Variants in BRCC3 observed in about 807,000 individuals in gnomAD.
BRCC3 encodes BRCA1/BRCA2-containing complex subunit 3, also known as lys-63-specific deubiquitinase BRCC36.
Under a neutral mutation model 28.0 loss-of-function variants are expected in BRCC3, and 15 were observed. The observed-to-expected ratio is 0.54, with a 90% confidence interval of 0.36 to 0.82. The LOEUF is 0.82. Ranked by LOEUF, BRCC3 falls within the 40% of genes least tolerant of loss-of-function variation. BRCC3 has a pLI of 0.01. For synonymous variants in BRCC3, 66 were observed against 80.3 expected (o/e 0.82, Z 0.95); for missense variants, 109 against 225.9 (o/e 0.48, Z 3.32).
In BRCC3 at chrX:155,088,335, C is replaced by T. The variant is rs1487795869; in HGVS notation, c.404-928C>T. Among the ~76,000 whole-genome samples, 10 of 108,920 alleles carry T rather than the reference C, an allele frequency of 9.2e-5. 1 individual carries two copies. The highest frequency in any genetic ancestry group is 8.7e-4 in the Admixed American group (9 of 10,295). 94.6% of individuals were successfully genotyped at this position (108,920 alleles called of 115,157 possible). A position where few individuals can be genotyped will look rare whatever the true frequency, so the allele number is the denominator to read the frequency against. On this transcript the variant is annotated intron_variant, in intron 5 of 10. Coordinates refer to ENST00000330045, the MANE Select transcript of BRCC3 (RefSeq NM_001018055.3). ...CAATGGTCTGAAGACTAAATTTAGC[C>T]TCTGTTTAGTTTTTGGCTTTTTTTT...
intron 7 of BRCC3, among the ~76,000 whole-genome samples, chrX:155,110,581 C>A (rs2074314933): frequency 9.1e-6 from 1 of 109,319 alleles, no homozygotes; most frequent in Non-Finnish European, 1.9e-5. Flanking sequence ...TTACCTTGAT[C>A]AGTCTTGGTG....
At chrX:155,105,761 C>T (rs1278655119) in intron 7 of BRCC3, among the ~76,000 whole-genome samples, 8 of 111,943 alleles carry the variant, frequency 7.1e-5, no homozygotes, top group Non-Finnish European at 1.5e-4. Context: ...TGCAGTGGTG[C>T]GATCTTGGCT....
At chrX:155,084,892 C>T (rs782166089) in intron 5 of BRCC3, among the ~76,000 whole-genome samples, 1 of 111,647 alleles carries the variant, frequency 9.0e-6, no homozygotes, top group South Asian at 3.7e-4. Context: ...AACCCTTGAG[C>T]TCAGGAGTTG....
rs1432144127 is a variant in BRCC3, at chrX:155,121,790, A to T, written c.*586A>T. 1 of 112,044 alleles carries T rather than the reference A, an allele frequency of 8.9e-6. No individual in the cohort carries two copies. Among genetic ancestry groups the T allele is most frequent in the Non-Finnish European group, 1.9e-5 (1 of 53,240 alleles). The allele number at this position is 112,044 out of a possible 1,213,427, so 9.2% of individuals were successfully genotyped here. ...AAGCTACAGATTGAGATGAATTTGCAAACCATATATCTGATCAATTTGGAA... is the reference window on the plus strand; with the variant it reads ...AAGCTACAGATTGAGATGAATTTGCTAACCATATATCTGATCAATTTGGAA... On this transcript the variant is annotated 3_prime_UTR_variant, in exon 11 of 11. Coordinates refer to ENST00000330045, the MANE Select transcript of BRCC3 (RefSeq NM_001018055.3).
In BRCC3 at chrX:155,089,365, A is replaced by G. The variant is rs1012964975; in HGVS notation, c.492+14A>G. The stretch of plus-strand genomic sequence containing the variant: ...AAGAACACAAAGGTATTGTGTGTGC[A>G]TGTGTGTGTGTGTGTGTGTGTGTGT... On this transcript the variant is annotated intron_variant, in intron 6 of 10. Transcript: ENST00000330045. 5.0e-5 allele frequency: 46 copies of G among 925,604 alleles called. No individual in the cohort carries two copies. The highest frequency in any genetic ancestry group is 8.5e-5 in the Admixed American group (3 of 35,496). The allele number at this position is 925,604 out of a possible 1,213,427, so 76.3% of individuals were successfully genotyped here.
chrX:155,083,643 C>T (rs1227591673), intron 5 of BRCC3, among the ~76,000 whole-genome samples: 3 of 112,287 alleles, frequency 2.7e-5, no homozygotes, highest in African/African-American at 9.7e-5. Context: ...ATGAGAGAAA[C>T]ACGGTCCCTG....
At chrX:155,097,968 C>A (rs1454606671) in intron 7 of BRCC3, among the ~76,000 whole-genome samples, 2 of 111,116 alleles carry the variant, frequency 1.8e-5, no homozygotes, top group Admixed American at 9.5e-5. Context: ...AGTGAGACTC[C>A]GTCTCAAAAA....
Position 155,102,377 on chromosome X carries a change from T to A in BRCC3, c.548+11538T>A, listed in dbSNP as rs782682086. 8.9e-5 allele frequency among the ~76,000 whole-genome samples: 10 copies of A among 112,492 alleles called. No individual in the cohort carries two copies. In the South Asian group the frequency reaches 3.3e-3, roughly 37 times the overall value. Reference sequence around the variant, plus strand: ...TAAATGTGATTGTATTAATTTCAATTTCCTATTCATTGCTACTATATAAAA... The same window carrying A: ...TAAATGTGATTGTATTAATTTCAATATCCTATTCATTGCTACTATATAAAA... On this transcript the variant is annotated intron_variant, in intron 7 of 10. Transcript: ENST00000330045.
chrX:155,099,412 G>A (rs782672434), intron 7 of BRCC3: 36 of 1,199,617 alleles, frequency 3.0e-5, no homozygotes, highest in Non-Finnish European at 3.9e-5. Flanking sequence ...AAAGGGGCCT[G>A]TCCCCCAGCT....
intron 7 of BRCC3, among the ~76,000 whole-genome samples, chrX:155,113,119 CTTTTTTTTTTT>C (rs35621321): frequency 3.2e-5 from 1 of 30,811 alleles, no homozygotes; most frequent in Non-Finnish European, 5.2e-5. Context: ...GGCTTGCTTG[CTTTTTTTTTTT>C]TTTTTTTTTT....
At chrX:155,072,236 A>G (rs781853509) in intron 1 of BRCC3, 91 bp from the exon 2 acceptor site, 1 of 729,184 alleles carries the variant, frequency 1.4e-6, no homozygotes, top group African/African-American at 2.1e-5. Flanking sequence ...ATGTGCGTGA[A>G]CACATGACCT....
chrX:155,076,184 G>T (rs1185453394), intron 3 of BRCC3, among the ~76,000 whole-genome samples: 1 of 111,423 alleles, frequency 9.0e-6, no homozygotes, highest in Non-Finnish European at 1.9e-5. Context: ...GTCGAGGCAG[G>T]CCTGAAGTCA....
chrX:155,075,307 TTCTTCCCC>T lies in BRCC3; in HGVS notation c.196-1862_196-1855del. Among the ~76,000 whole-genome samples, 17 of 53,232 alleles carry T rather than the reference TTCTTCCCC, an allele frequency of 3.2e-4. No individual in the cohort carries two copies. In the African/African-American group the frequency reaches 6.0e-3, roughly 19 times the overall value. The allele number at this position is 53,232 out of a possible 115,157, so 46.2% of individuals were successfully genotyped here. ...CCACTCTTTCCCCTGGCCCTTCTTG[TTCTTCCCC>T]ACACTAAATGTGGCCACTCCCCTTG... On this transcript the variant is annotated intron_variant, in intron 3 of 10. Coordinates refer to ENST00000330045, the MANE Select transcript of BRCC3 (RefSeq NM_001018055.3).
At chrX:155,093,441 A>G (rs1444546317) in intron 7 of BRCC3, among the ~76,000 whole-genome samples, 2 of 109,499 alleles carry the variant, frequency 1.8e-5, no homozygotes, top group South Asian at 4.1e-4. Flanking sequence ...GATGACTTAA[A>G]TAAAACTACA....
intron 5 of BRCC3, among the ~76,000 whole-genome samples, chrX:155,081,463 A>G (rs1350193983): frequency 8.9e-6 from 1 of 111,750 alleles, no homozygotes; most frequent in African/African-American, 3.3e-5. Flanking sequence ...AAATGTATGC[A>G]ATTATGATTT....
At chrX:155,078,054 A>G (rs1255165947) in intron 4 of BRCC3, among the ~76,000 whole-genome samples, 3 of 112,333 alleles carry the variant, frequency 2.7e-5, no homozygotes, top group Non-Finnish European at 5.6e-5. Flanking sequence ...GCCAGGCACT[A>G]TGCTAAACAC....
chrX:155,108,135 T>C lies in BRCC3; in HGVS notation c.549-7922T>C, dbSNP rs782783118. 3.6e-5 allele frequency among the ~76,000 whole-genome samples: 4 copies of C among 111,964 alleles called. No individual in the cohort carries two copies. In the Admixed American group the frequency reaches 3.8e-4, roughly 11 times the overall value. ...CTCAATTGTTATGCCCTTGTTTTTT[T>C]CCCAAAGGTAACCATTATCCTAATC... On this transcript the variant is annotated intron_variant, in intron 7 of 10. Coordinates refer to ENST00000330045, the MANE Select transcript of BRCC3 (RefSeq NM_001018055.3).
intron 7 of BRCC3, among the ~76,000 whole-genome samples, chrX:155,115,721 C>CT (rs1557298626): frequency 8.9e-6 from 1 of 112,017 alleles, no homozygotes; most frequent in Non-Finnish European, 1.9e-5. Context: ...TCACTGGCAA[C>CT]TTCTTGACTG....
chrX:155,105,256 G>A (rs1459817624), intron 7 of BRCC3, among the ~76,000 whole-genome samples: 4 of 111,720 alleles, frequency 3.6e-5, no homozygotes, highest in Admixed American at 9.4e-5. Flanking sequence ...GCCGAGGCGC[G>A]TGGATCACTT....
Sources: gnomAD v4.1 joint callset for allele counts (sites outside exome capture counted in the v4.1 genomes callset) on GRCh38, gnomAD v4.1.1 for gene constraint, MANE v1.5 for transcripts, NCBI Gene and HGNC (gene_info 2026-07-23, HGNC 2026-07-21) for gene names.